Variants in AMPH observed in about 807,000 individuals in gnomAD.
The protein encoded by AMPH is amphiphysin (Stiff-Mann syndrome with breast cancer 128kD autoantigen).
Under a neutral mutation model 99.1 loss-of-function variants are expected in AMPH, and 49 were observed. The ratio of observed to expected loss-of-function variants is 0.49; its 90% CI spans 0.39 to 0.63. The LOEUF (loss-of-function observed/expected upper bound fraction) is 0.63, where lower values mean the gene tolerates loss of function less well. Among genes scored for constraint, AMPH ranks in the 20% least tolerant of loss-of-function variants. The pLI, the probability that AMPH is intolerant of heterozygous loss-of-function variation, is 0.00. For missense variants in AMPH, 759 were observed against 863.4 expected, an observed-to-expected ratio of 0.88 and a Z score of 1.52; for synonymous variants, 314 against 317.3, an observed-to-expected ratio of 0.99 and a Z score of 0.11.
chr7:38,432,720 C>A (rs1786082091), intron 12 of AMPH, among the ~76,000 whole-genome samples: 1 of 151,984 alleles, frequency 6.6e-6, no homozygotes, highest in Admixed American at 6.6e-5. Context: ...TATTTCCTTC[C>A]CATCTCATTC....
intron 1 of AMPH, among the ~76,000 whole-genome samples, chr7:38,630,744 G>T (rs1325721949): frequency 1.3e-5 from 2 of 152,150 alleles, no homozygotes; most frequent in African/African-American, 4.8e-5. Flanking sequence ...ATTGGTCCTG[G>T]GAGATTTTTG....
chr7:38,470,414 C>T (rs938507421), intron 7 of AMPH, among the ~76,000 whole-genome samples: 34 of 152,050 alleles, frequency 2.2e-4, no homozygotes, highest in African/African-American at 8.2e-4. Flanking sequence ...AAAGGTGATG[C>T]CTCTTTAGTC....
At chr7:38,516,773 G>C (rs1363580117) in intron 2 of AMPH, among the ~76,000 whole-genome samples, 1 of 152,210 alleles carries the variant, frequency 6.6e-6, no homozygotes, top group African/African-American at 2.4e-5. Flanking sequence ...AGCAGTCTCA[G>C]GAACTGTGCC....
chr7:38,406,306 A>G (rs1156485595), intron 17 of AMPH, among the ~76,000 whole-genome samples: 1 of 152,186 alleles, frequency 6.6e-6, no homozygotes. Context: ...ACCTCAAGGA[A>G]CTAGAAAAAT....
chr7:38,617,305 T>C (rs748596315), intron 1 of AMPH, among the ~76,000 whole-genome samples: 1 of 152,248 alleles, frequency 6.6e-6, no homozygotes, highest in Non-Finnish European at 1.5e-5. Context: ...CTCATTTACC[T>C]GGGCCACCTC....
intron 2 of AMPH, among the ~76,000 whole-genome samples, chr7:38,523,084 G>A (rs887451685): frequency 6.6e-6 from 1 of 150,774 alleles, no homozygotes; most frequent in African/African-American, 2.4e-5. Flanking sequence ...CTCCAGCCTG[G>A]GCAACAAGAG....
At chr7:38,398,189 A>AAAAAC (rs1554329649) in intron 17 of AMPH, among the ~76,000 whole-genome samples, 68 of 150,876 alleles carry the variant, frequency 4.5e-4, no homozygotes, top group African/African-American at 1.6e-3. Context: ...ACTCAAAAAA[A>AAAAAC]AAAAAACAAA....
At chr7:38,457,639 A>T (rs1377742521) in intron 11 of AMPH, among the ~76,000 whole-genome samples, 1 of 152,222 alleles carries the variant, frequency 6.6e-6, no homozygotes. Context: ...CTATTTAATG[A>T]AGTATTAGGT....
chr7:38,445,928 T>G (rs2129000893), intron 11 of AMPH, among the ~76,000 whole-genome samples: 1 of 140,900 alleles, frequency 7.1e-6, no homozygotes, highest in East Asian at 2.2e-4. Flanking sequence ...TTTAAAAGTG[T>G]GTTACACCTC....
chr7:38,562,126 C>T (rs543936893), intron 1 of AMPH, among the ~76,000 whole-genome samples: 8 of 151,580 alleles, frequency 5.3e-5, no homozygotes, highest in African/African-American at 7.3e-5. Flanking sequence ...TGGAAGGAAA[C>T]GTGAGGCTAA....
intron 20 of AMPH, 72 bp from the exon 21 acceptor site, chr7:38,384,997 T>G: frequency 6.9e-6 from 9 of 1,308,610 alleles, no homozygotes; most frequent in Non-Finnish European, 9.9e-6. Context: ...AATTAATTAA[T>G]AATGTGTTAC....
At chr7:38,389,769 CGTA>C (rs1784438802) in intron 20 of AMPH, 32 bp downstream of exon 20, 1 of 1,521,820 alleles carries the variant, frequency 6.6e-7, no homozygotes, top group African/African-American at 1.4e-5. Context: ...AAAAAATCAA[CGTA>C]GCCCAAAGCA....
intron 3 of AMPH, among the ~76,000 whole-genome samples, chr7:38,501,836 A>G (rs1488446865): frequency 2.0e-5 from 3 of 152,128 alleles, no homozygotes; most frequent in Admixed American, 1.3e-4. Context: ...CAGAAAAGCT[A>G]TCCTCCCAGC....
At chr7:38,566,884 C>A (rs1336077326) in intron 1 of AMPH, among the ~76,000 whole-genome samples, 9 of 152,002 alleles carry the variant, frequency 5.9e-5, no homozygotes, top group African/African-American at 9.7e-5. Context: ...AAAAGTCAGG[C>A]AACAACAGAT....
chr7:38,445,666 T>C (rs1408323931), intron 11 of AMPH, among the ~76,000 whole-genome samples: 3 of 152,212 alleles, frequency 2.0e-5, no homozygotes, highest in African/African-American at 4.8e-5. Flanking sequence ...ACACCACTAG[T>C]CATTTGGGAA....
intron 3 of AMPH, among the ~76,000 whole-genome samples, chr7:38,495,886 C>T (rs1788914338): frequency 6.6e-6 from 1 of 152,080 alleles, no homozygotes; most frequent in Admixed American, 6.6e-5. Context: ...CTCCCAAGGA[C>T]CCCCTGCACA....
chr7:38,461,479 A>G (rs896780990), intron 10 of AMPH, 68 bp from the exon 11 acceptor site: 9 of 1,592,334 alleles, frequency 5.7e-6, no homozygotes, highest in Admixed American at 1.7e-5. Context: ...GAAAGGTCAC[A>G]TGAACAGAGC....
intron 1 of AMPH, among the ~76,000 whole-genome samples, chr7:38,536,457 G>A (rs557725883): frequency 1.3e-5 from 2 of 152,142 alleles, no homozygotes; most frequent in South Asian, 4.2e-4. Flanking sequence ...TTCTTCAAGA[G>A]GTCAATTTTC....
At chr7:38,436,516 A>G in intron 11 of AMPH, 128 bp from the exon 12 acceptor site, 1 of 702,958 alleles carries the variant, frequency 1.4e-6, no homozygotes, top group East Asian at 2.7e-5. Flanking sequence ...TTTTATAAGC[A>G]TGGTGGCTCA....
Sources: allele counts gnomAD v4.1 joint callset (sites outside exome capture counted in the v4.1 genomes callset), GRCh38; gene constraint gnomAD v4.1.1; transcripts MANE v1.5; gene names NCBI Gene and HGNC (gene_info 2026-07-23, HGNC 2026-07-21).